Variants in CLVS1 observed in about 807,000 individuals in gnomAD.
The protein encoded by CLVS1 is clavesin-1.
In CLVS1, 10 loss-of-function variants were observed where a neutral mutation model predicts 33.1. That is an observed-to-expected ratio of 0.30 (90% CI 0.19 to 0.51). CLVS1 has a LOEUF of 0.51. Ranked by LOEUF, CLVS1 falls within the 20% of genes least tolerant of loss-of-function variation. CLVS1 has a pLI of 0.97. For synonymous variants in CLVS1, 163 were observed against 166.1 expected (o/e 0.98, Z 0.14); for missense variants, 343 against 433.4 (o/e 0.79, Z 1.85).
chr8:60,980,377 C>T, the CLVS1 span, among the ~76,000 whole-genome samples: 1 of 152,142 alleles, frequency 6.6e-6, no homozygotes, highest in African/African-American at 2.4e-5. Flanking sequence ...TGTCATAAGA[C>T]TCAGGGCTAG....
the CLVS1 span, among the ~76,000 whole-genome samples, chr8:60,993,801 G>A: frequency 1.3e-5 from 2 of 152,200 alleles, no homozygotes; most frequent in Non-Finnish European, 2.9e-5. Flanking sequence ...CCTGTCCCTG[G>A]GGCAGGCAAG....
At chr8:61,012,063 A>T in the CLVS1 span, among the ~76,000 whole-genome samples, 9 of 152,168 alleles carry the variant, frequency 5.9e-5, no homozygotes, top group African/African-American at 2.2e-4. Flanking sequence ...GCTCACCCAG[A>T]ATCCGCTCAC....
chr8:61,036,835 C>T, the CLVS1 span, among the ~76,000 whole-genome samples: 1 of 152,156 alleles, frequency 6.6e-6, no homozygotes, highest in Admixed American at 6.5e-5. Flanking sequence ...TTCAGAAGTA[C>T]AAGATACAAG....
intron 2 of CLVS1, chr8:61,370,403 T>A (rs1470253422): frequency 6.6e-6 from 1 of 152,198 alleles, no homozygotes; most frequent in Non-Finnish European, 1.5e-5. Context: ...TTCTTTTTTT[T>A]TTTTGAGACA....
intron 2 of CLVS1, among the ~76,000 whole-genome samples, chr8:61,166,783 C>T: frequency 6.6e-6 from 1 of 151,696 alleles, no homozygotes; most frequent in East Asian, 1.9e-4. Context: ...ACTGTTTGCC[C>T]AGCTAAAACC....
At chr8:61,215,284 T>C (rs1808059905) in intron 2 of CLVS1, among the ~76,000 whole-genome samples, 1 of 152,186 alleles carries the variant, frequency 6.6e-6, no homozygotes, top group Non-Finnish European at 1.5e-5. Context: ...AAATGGGCTA[T>C]ATAAAAGTAT....
chr8:61,015,944 A>G, the CLVS1 span, among the ~76,000 whole-genome samples: 1 of 152,180 alleles, frequency 6.6e-6, no homozygotes, highest in Non-Finnish European at 1.5e-5. Context: ...AAATATGGTG[A>G]GCTGGGTGGT....
intron 1 of CLVS1, among the ~76,000 whole-genome samples, chr8:61,094,241 CAT>C (rs1487226683): frequency 6.6e-6 from 1 of 152,142 alleles, no homozygotes; most frequent in Non-Finnish European, 1.5e-5. Context: ...GTGTGGAAAT[CAT>C]GTTTTCATCT....
intron 2 of CLVS1, among the ~76,000 whole-genome samples, chr8:61,236,418 G>A (rs1358338496): frequency 2.0e-5 from 3 of 152,176 alleles, no homozygotes; most frequent in Non-Finnish European, 4.4e-5. Flanking sequence ...AGTAGCAGCA[G>A]GCCCTGAAAA....
intron 2 of CLVS1, among the ~76,000 whole-genome samples, chr8:61,138,044 CA>C (rs1806221802): frequency 6.6e-6 from 1 of 152,120 alleles, no homozygotes; most frequent in South Asian, 2.1e-4. Context: ...TCTTGCAAGT[CA>C]AGAAACTCAG....
At chr8:61,465,844 A>G (rs1817529216) in intron 5 of CLVS1, 1 of 152,116 alleles carries the variant, frequency 6.6e-6, no homozygotes. Flanking sequence ...TTGTATTTTT[A>G]ATAGAGACAG....
In CLVS1 at chr8:61,501,341, C is replaced by A. The variant is rs1461884978; in HGVS notation, c.*1799C>A. 1 of 152,140 alleles carries A rather than the reference C, an allele frequency of 6.6e-6. No individual in the cohort carries two copies. Among genetic ancestry groups the A allele is most frequent in the Non-Finnish European group, 1.5e-5 (1 of 68,000 alleles). 9.4% of individuals were successfully genotyped at this position (152,140 alleles called of 1,614,324 possible). Reference sequence around the variant, plus strand: ...ACACTTTGCAACAGTAATACCATTTCTAGCTTTTCAATTGGCAATACTTAG... The same window carrying A: ...ACACTTTGCAACAGTAATACCATTTATAGCTTTTCAATTGGCAATACTTAG... On this transcript the variant is annotated 3_prime_UTR_variant, in exon 6 of 6. Coordinates refer to ENST00000325897, the MANE Select transcript of CLVS1 (RefSeq NM_173519.3).
intron 5 of CLVS1, among the ~76,000 whole-genome samples, chr8:61,491,513 G>C (rs1412948507): frequency 6.6e-6 from 1 of 152,136 alleles, no homozygotes; most frequent in Non-Finnish European, 1.5e-5. Flanking sequence ...ATTACTTCCT[G>C]AAGCTTTTTA....
intron 2 of CLVS1, among the ~76,000 whole-genome samples, chr8:61,274,558 C>T (rs1278776343): frequency 6.6e-6 from 1 of 152,138 alleles, no homozygotes; most frequent in Non-Finnish European, 1.5e-5. Context: ...CCTTATGTCT[C>T]TAAACATGTA....
intron 1 of CLVS1, among the ~76,000 whole-genome samples, chr8:61,109,478 T>A (rs1430236693): frequency 6.6e-6 from 1 of 152,112 alleles, no homozygotes; most frequent in Non-Finnish European, 1.5e-5. Context: ...GAATATATAA[T>A]AACATAAATA....
intron 2 of CLVS1, among the ~76,000 whole-genome samples, chr8:61,194,379 T>C (rs1207304997): frequency 6.9e-6 from 1 of 144,740 alleles, no homozygotes; most frequent in Non-Finnish European, 1.5e-5. Flanking sequence ...AGCCAAATAC[T>C]AACCAAAAAA....
chr8:61,254,205 G>A (rs2129591871), intron 2 of CLVS1, among the ~76,000 whole-genome samples: 1 of 152,270 alleles, frequency 6.6e-6, no homozygotes, highest in Non-Finnish European at 1.5e-5. Context: ...TGTTTGCCTG[G>A]GTATCAGCAG....
intron 2 of CLVS1, among the ~76,000 whole-genome samples, chr8:61,270,888 A>G (rs998099084): frequency 6.6e-6 from 1 of 151,820 alleles, no homozygotes; most frequent in South Asian, 2.1e-4. Flanking sequence ...TATTGCATCT[A>G]TTAGATTCTT....
chr8:61,193,821 G>A (rs1045865696), intron 2 of CLVS1, among the ~76,000 whole-genome samples: 7 of 152,034 alleles, frequency 4.6e-5, no homozygotes, highest in Admixed American at 2.6e-4. Context: ...AAAGGCTTAG[G>A]AAGTGTTAAA....
Sources: allele counts gnomAD v4.1 joint callset (sites outside exome capture counted in the v4.1 genomes callset), GRCh38; gene constraint gnomAD v4.1.1; transcripts MANE v1.5; gene names NCBI Gene and HGNC (gene_info 2026-07-23, HGNC 2026-07-21).